FMN1: variants seen among roughly 807,000 people sequenced by gnomAD.
The protein encoded by FMN1 is formin-1.
A neutral mutation model predicts 132.4 loss-of-function variants in FMN1; 110 were observed. That is an observed-to-expected ratio of 0.83 (90% CI 0.71 to 0.97). The LOEUF is 0.97. Among genes scored for constraint, FMN1 ranks in the 50% least tolerant of loss-of-function variants. The probability of loss-of-function intolerance (pLI) is 0.00; values close to 1 mark genes in which losing one functional copy is unlikely to be tolerated. For synonymous variants in FMN1, 722 were observed against 651.7 expected (o/e 1.11, Z -1.64); for missense variants, 1,792 against 1,705.3 (o/e 1.05, Z -0.90).
chr15:33,172,082 C>T, intron 3 of FMN1, among the ~76,000 whole-genome samples: 1 of 152,028 alleles, frequency 6.6e-6, no homozygotes, highest in Non-Finnish European at 1.5e-5. Flanking sequence ...GTGGCGGGCG[C>T]CTGTGGTCCC....
intron 6 of FMN1, among the ~76,000 whole-genome samples, chr15:33,031,158 G>T (rs749599800): frequency 8.5e-5 from 13 of 152,148 alleles, no homozygotes; most frequent in Non-Finnish European, 1.5e-4. Flanking sequence ...CAGGTAATAA[G>T]AAATACAGCC....
chr15:32,861,508 C>A (rs142935818), intron 16 of FMN1, among the ~76,000 whole-genome samples: 2,441 of 152,244 alleles, frequency 0.016, 31 homozygotes, highest in Middle Eastern at 0.034. Context: ...AAAATGGGGA[C>A]CTCCCGCAAC....
At chr15:32,880,104 T>C (rs481087) in intron 16 of FMN1, among the ~76,000 whole-genome samples, 43,481 of 151,580 alleles carry the variant, frequency 0.29, 6,849 homozygotes, top group African/African-American at 0.42. Flanking sequence ...GTTCTTTCCT[T>C]CACTCCCGCC....
chr15:32,927,383 CAAGCACTATAGG>C (rs2060988233), intron 9 of FMN1, among the ~76,000 whole-genome samples: 1 of 152,108 alleles, frequency 6.6e-6, no homozygotes, highest in Non-Finnish European at 1.5e-5. Context: ...TCACGAGTAG[CAAGCACTATAGG>C]TGCAGGCCAC....
chr15:32,948,643 T>C (rs773060388), intron 9 of FMN1, among the ~76,000 whole-genome samples: 2 of 152,074 alleles, frequency 1.3e-5, no homozygotes, highest in Non-Finnish European at 2.9e-5. Context: ...ATTATTTTCA[T>C]TTATTGGCAA....
At chr15:33,063,787 T>G (rs1396732467) in intron 6 of FMN1, 1 of 152,256 alleles carries the variant, frequency 6.6e-6, no homozygotes, top group Non-Finnish European at 1.5e-5. Flanking sequence ...TCCTTATGCT[T>G]TCTTTACTGC....
intron 3 of FMN1, among the ~76,000 whole-genome samples, chr15:33,176,222 AG>A (rs1965507605): frequency 6.6e-6 from 1 of 151,914 alleles, no homozygotes; most frequent in South Asian, 2.1e-4. Flanking sequence ...AAAATACAAA[AG>A]TTAGCTGGGC....
At chr15:33,040,829 C>T (rs2036400617) in intron 6 of FMN1, among the ~76,000 whole-genome samples, 2 of 152,206 alleles carry the variant, frequency 1.3e-5, no homozygotes, top group Non-Finnish European at 2.9e-5. Flanking sequence ...ATTAAAATAA[C>T]TTCAGAGATT....
At chr15:32,957,993 A>T (rs2030014381) in intron 9 of FMN1, among the ~76,000 whole-genome samples, 3 of 152,158 alleles carry the variant, frequency 2.0e-5, no homozygotes, top group Non-Finnish European at 2.9e-5. Flanking sequence ...TAAGTATGCA[A>T]TATAAATTTG....
intron 9 of FMN1, among the ~76,000 whole-genome samples, chr15:32,932,511 C>T (rs115406184): frequency 0.011 from 1,664 of 152,294 alleles, 29 homozygotes; most frequent in African/African-American, 0.038. Flanking sequence ...ATGCTGTTCT[C>T]ATAAAATGAA....
At position 33,154,524 on chromosome 15, in the gene FMN1, C is replaced by A; in HGVS notation, c.391G>T (p.Asp131Tyr). The A allele has an allele frequency of 6.5e-7, 1 of 1,536,088 alleles. No homozygotes were observed. The highest frequency in any genetic ancestry group is 8.7e-7 in the Non-Finnish European group (1 of 1,146,908). Reference protein sequence around the residue: ...ELSVSLAPEDDCFQSAGDWQG... With the variant: ...ELSVSLAPEDYCFQSAGDWQG... ...CAGTCACCAGCACTCTGGAAACAGT[C>A]ATCCTCGGGGGCCAGGCTCACGGAC... is the stretch of plus-strand genomic sequence containing the variant. Residue 131 changes from aspartate to tyrosine, a missense_variant, in exon 4 of 21, where the codon GAC becomes TAC. Physicochemically the swap from Asp to Tyr is radical, Grantham distance 160. Transcript: ENST00000616417.
chr15:32,789,411 A>G (rs897032832), intron 19 of FMN1, among the ~76,000 whole-genome samples: 1 of 152,186 alleles, frequency 6.6e-6, no homozygotes, highest in Admixed American at 6.5e-5. Context: ...TTGAGACATA[A>G]TATTTTTAGA....
chr15:32,853,894 G>T (rs548467892), intron 17 of FMN1, among the ~76,000 whole-genome samples: 108 of 152,280 alleles, frequency 7.1e-4, no homozygotes, highest in African/African-American at 2.5e-3. Context: ...AGCTGAGAAG[G>T]CAGGGCGACA....
chr15:32,838,120 GA>G (rs894110823), intron 17 of FMN1, among the ~76,000 whole-genome samples: 8 of 152,170 alleles, frequency 5.3e-5, no homozygotes, highest in African/African-American at 1.9e-4. Context: ...GTTGGGCAAA[GA>G]CAGTGATTCC....
In FMN1 at chr15:33,101,207, C is replaced by T. The variant is rs549141453; in HGVS notation, c.1868-12233G>A. 2.0e-5 allele frequency among the ~76,000 whole-genome samples: 3 copies of T among 152,260 alleles called. No homozygotes were observed. In the South Asian group the frequency reaches 6.2e-4, roughly 32 times the overall value. On this transcript the variant is annotated intron_variant, in intron 4 of 20. Coordinates refer to ENST00000616417, the MANE Select transcript of FMN1 (RefSeq NM_001277313.2). Reference sequence around the variant, plus strand: ...GAAAATCATCTGTAAATTGAAGCTGCATGTCGAGCCAAATCTGGCACTGAC... The same window carrying T: ...GAAAATCATCTGTAAATTGAAGCTGTATGTCGAGCCAAATCTGGCACTGAC...
intron 7 of FMN1, among the ~76,000 whole-genome samples, chr15:32,979,900 T>C (rs1438437530): frequency 6.6e-6 from 1 of 152,208 alleles, no homozygotes; most frequent in East Asian, 1.9e-4. Flanking sequence ...AAGGAGGTAT[T>C]TGGCTTTCCA....
intron 19 of FMN1, among the ~76,000 whole-genome samples, chr15:32,785,211 TATA>T (rs2056825969): frequency 1.6e-5 from 1 of 63,894 alleles, no homozygotes; most frequent in East Asian, 5.0e-4. Flanking sequence ...TATATATATA[TATA>T]TATATTTTTT....
chr15:32,990,614 G>C (rs2033374639), intron 7 of FMN1, among the ~76,000 whole-genome samples: 1 of 152,164 alleles, frequency 6.6e-6, no homozygotes. Context: ...TTTATTACTA[G>C]AAATGGGGGA....
chr15:32,884,171 A>C (rs2059839741), intron 16 of FMN1, among the ~76,000 whole-genome samples: 1 of 152,170 alleles, frequency 6.6e-6, no homozygotes, highest in Non-Finnish European at 1.5e-5. Flanking sequence ...GGAGGCTTAA[A>C]ACACCAGAAA....
Sources: gnomAD v4.1 joint callset for allele counts (sites outside exome capture counted in the v4.1 genomes callset) on GRCh38, gnomAD v4.1.1 for gene constraint, MANE v1.5 for transcripts, NCBI Gene and HGNC (gene_info 2026-07-23, HGNC 2026-07-21) for gene names.